Variants in NRG1 observed in about 807,000 individuals in gnomAD.
NRG1 encodes pro-neuregulin-1, membrane-bound isoform.
A neutral mutation model predicts 63.8 loss-of-function variants in NRG1; 18 were observed. The ratio of observed to expected loss-of-function variants is 0.28; its 90% CI spans 0.19 to 0.42. The LOEUF (loss-of-function observed/expected upper bound fraction) is 0.42. Among genes scored for constraint, NRG1 ranks in the 10% least tolerant of loss-of-function variants. The pLI is 1.00. For missense variants in NRG1, 762 were observed against 814.7 expected (o/e 0.94, Z 0.79); for synonymous variants, 302 against 301.3 (o/e 1.00, Z -0.02).
chr8:32,622,402 GTTCTT>G (rs1163441542), intron 5 of NRG1, among the ~76,000 whole-genome samples: 4 of 152,084 alleles, frequency 2.6e-5, no homozygotes, highest in African/African-American at 4.8e-5. Context: ...TTTCTGTTCT[GTTCTT>G]TTCTTTTCTT....
chr8:32,620,840 CA>C (rs138043265), intron 5 of NRG1, among the ~76,000 whole-genome samples: 1 of 150,274 alleles, frequency 6.7e-6, no homozygotes, highest in Non-Finnish European at 1.5e-5. Flanking sequence ...TAAAAACAAA[CA>C]AAAAAAGAAA....
intron 1 of NRG1, among the ~76,000 whole-genome samples, chr8:32,067,309 G>A (rs1292653761): frequency 2.0e-5 from 3 of 152,158 alleles, no homozygotes; most frequent in African/African-American, 7.2e-5. Context: ...CATTCAGTAT[G>A]ATATTGGCCG....
intron 1 of NRG1, among the ~76,000 whole-genome samples, chr8:32,507,278 C>T (rs1419420014): frequency 6.6e-6 from 1 of 152,126 alleles, no homozygotes; most frequent in Non-Finnish European, 1.5e-5. Context: ...TGATAGGGTA[C>T]TTGTAAAATC....
intron 7 of NRG1, chr8:32,751,041 G>A (rs1380773436): frequency 6.6e-6 from 1 of 152,148 alleles, no homozygotes; most frequent in Non-Finnish European, 1.5e-5. Context: ...ACTATAGAAT[G>A]TATTGTTTCT....
At chr8:32,476,996 G>T (rs1427989698) in intron 1 of NRG1, among the ~76,000 whole-genome samples, 2 of 152,162 alleles carry the variant, frequency 1.3e-5, no homozygotes, top group Non-Finnish European at 2.9e-5. Context: ...GGCAGCAAAT[G>T]CCCAAATGGA....
At chr8:31,734,982 C>G (rs138838511) in intron 1 of NRG1, among the ~76,000 whole-genome samples, 13 of 152,216 alleles carry the variant, frequency 8.5e-5, no homozygotes, top group Non-Finnish European at 1.5e-4. Flanking sequence ...AAGTCCTCCA[C>G]CTATGTGTGC....
At chr8:31,705,846 A>C (rs1243587800) in intron 1 of NRG1, among the ~76,000 whole-genome samples, 1 of 152,218 alleles carries the variant, frequency 6.6e-6, no homozygotes, top group East Asian at 1.9e-4. Context: ...TGCTTAAAAA[A>C]GGAGGTAATC....
intron 1 of NRG1, among the ~76,000 whole-genome samples, chr8:32,400,490 G>C (rs541823269): frequency 1.3e-5 from 2 of 152,214 alleles, no homozygotes; most frequent in East Asian, 3.9e-4. Flanking sequence ...CAAACGACAC[G>C]AACAGACACT....
intron 1 of NRG1, among the ~76,000 whole-genome samples, chr8:32,188,347 G>A (rs1397382843): frequency 5.3e-5 from 8 of 152,162 alleles, no homozygotes; most frequent in Non-Finnish European, 1.2e-4. Flanking sequence ...GATTACAGGC[G>A]TGAACCACTA....
intron 1 of NRG1, among the ~76,000 whole-genome samples, chr8:32,127,337 C>T (rs1315769715): frequency 1.3e-5 from 2 of 151,896 alleles, no homozygotes; most frequent in Middle Eastern, 3.4e-3. Flanking sequence ...ATACTGTGGC[C>T]ACAGCAGTAA....
intron 9 of NRG1, 120 bp from the exon 10 acceptor site, chr8:32,759,186 T>G: frequency 8.5e-7 from 1 of 1,169,772 alleles, no homozygotes; most frequent in Non-Finnish European, 1.2e-6. Context: ...AAATCAGCTG[T>G]ACAAAAATAG....
intron 5 of NRG1, among the ~76,000 whole-genome samples, chr8:32,722,518 A>T (rs907222037): frequency 7.2e-5 from 11 of 152,196 alleles, no homozygotes; most frequent in African/African-American, 2.4e-4. Flanking sequence ...CAAGCAGAGA[A>T]CACTTGATTA....
intron 5 of NRG1, chr8:32,647,291 TCTC>T (rs1343483615): frequency 1.0e-6 from 1 of 985,322 alleles, no homozygotes; most frequent in Non-Finnish European, 1.2e-6. Flanking sequence ...TGCTTTTACT[TCTC>T]CTGCATGACA....
intron 1 of NRG1, among the ~76,000 whole-genome samples, chr8:32,090,309 A>C (rs1447743380): frequency 1.3e-5 from 2 of 152,232 alleles, no homozygotes; most frequent in Non-Finnish European, 2.9e-5. Context: ...CTAGCTGAAA[A>C]TACATTGAAT....
At chr8:31,926,895 A>G (rs1007009966) in intron 1 of NRG1, among the ~76,000 whole-genome samples, 2 of 152,172 alleles carry the variant, frequency 1.3e-5, no homozygotes, top group African/African-American at 4.8e-5. Context: ...CTGGGCACCT[A>G]GACTATTTTT....
At chr8:31,899,664 G>A (rs1298296183) in intron 1 of NRG1, among the ~76,000 whole-genome samples, 3 of 151,976 alleles carry the variant, frequency 2.0e-5, no homozygotes, top group African/African-American at 4.8e-5. Flanking sequence ...ACATTCTCTT[G>A]TAAACATTTT....
chr8:32,608,092 G>T (rs142791964), intron 3 of NRG1, among the ~76,000 whole-genome samples: 12,427 of 103,888 alleles, frequency 0.12, 450 homozygotes, highest in African/African-American at 0.14. Context: ...GGTTTTTTTT[G>T]TTTTTTTTTT....
rs531052110 is a variant in NRG1 at position 31,764,785 on chromosome 8, T to G, written c.37+125354T>G. On this transcript the variant is annotated intron_variant, in intron 1 of 10. Coordinates refer to the NRG1 transcript ENST00000519301. The stretch of plus-strand genomic sequence containing the variant: ...TTAAGTTTTAGGGTACATGTGCACA[T>G]TGTGCAGGTTAGTTACATATGTATA... 3.2e-4 allele frequency among the ~76,000 whole-genome samples: 48 copies of G among 152,016 alleles called. 1 individual carries two copies. In the South Asian group the frequency reaches 9.7e-3, roughly 31 times the overall value.
chr8:31,900,990 C>A (rs559297115), intron 1 of NRG1, among the ~76,000 whole-genome samples: 9 of 152,212 alleles, frequency 5.9e-5, no homozygotes, highest in Admixed American at 3.9e-4. Flanking sequence ...ATCCCAAATA[C>A]AATTTCTCTT....
Sources: gnomAD v4.1 joint callset for allele counts (sites outside exome capture counted in the v4.1 genomes callset) on GRCh38, gnomAD v4.1.1 for gene constraint, MANE v1.5 for transcripts, NCBI Gene and HGNC (gene_info 2026-07-23, HGNC 2026-07-21) for gene names.